Variants in CTNND2 observed in about 807,000 individuals in gnomAD.
CTNND2 encodes the protein catenin delta 2.
In CTNND2, 22 loss-of-function variants were observed where a neutral mutation model predicts 144.4. The observed-to-expected ratio is 0.15, with a 90% CI of 0.11 to 0.22. The LOEUF (loss-of-function observed/expected upper bound fraction) is 0.22. CTNND2 is among the 10% of genes least tolerant of loss of function. The probability of loss-of-function intolerance (pLI) is 1.00; values close to 1 mark genes in which losing one functional copy is unlikely to be tolerated. For missense variants in CTNND2, 1,353 were observed against 1,618.8 expected, an observed-to-expected ratio of 0.84 and a Z score of 2.82; for synonymous variants, 751 against 695.6, an observed-to-expected ratio of 1.08 and a Z score of -1.25.
rs746839369 is a variant in CTNND2, at chr5:10,981,819, T to C, written c.3371A>G (p.Tyr1124Cys). The change falls in exon 21 of 22, where the codon TAT (tyrosine) becomes TGT (cysteine). Residue 1124 changes from tyrosine to cysteine, a missense_variant. By Grantham distance (194) the Tyr-to-Cys change is radical. Coordinates refer to ENST00000304623, the MANE Select transcript of CTNND2 (RefSeq NM_001332.4). ...AGCGGGCGCACCATAAGAATTCCTA[T>C]ACAAAGTTGAAATTCCAGTGTTTTG... ...TAQNTGISTL[Y>C]RNSYGAPAED... is the part of the protein sequence containing the mutation. 1.9e-6 allele frequency: 3 copies of C among 1,613,990 alleles called. No homozygotes were observed. The highest frequency in any genetic ancestry group is 1.7e-5 in the Admixed American group (1 of 60,014).
intron 16 of CTNND2, among the ~76,000 whole-genome samples, chr5:11,072,859 C>T (rs533189581): frequency 1.3e-5 from 2 of 152,200 alleles, no homozygotes; most frequent in Non-Finnish European, 2.9e-5. Context: ...CGGGGGCTTG[C>T]GGTGCCCTTC....
intron 1 of CTNND2, among the ~76,000 whole-genome samples, chr5:11,865,915 A>AAAAAAAAAAAAAC (rs1553986082): frequency 6.7e-6 from 1 of 149,228 alleles, no homozygotes; most frequent in Admixed American, 6.6e-5. Flanking sequence ...AAAAAAAAAA[A>AAAAAAAAAAAAAC]CGAGTTCTCC....
chr5:11,342,428 T>C (rs954435281), intron 9 of CTNND2, among the ~76,000 whole-genome samples: 2 of 152,202 alleles, frequency 1.3e-5, no homozygotes, highest in Non-Finnish European at 2.9e-5. Context: ...AGCATCAGCA[T>C]TAAAAATGTG....
At chr5:11,473,137 T>C (rs1767384826) in intron 3 of CTNND2, among the ~76,000 whole-genome samples, 1 of 152,182 alleles carries the variant, frequency 6.6e-6, no homozygotes, top group South Asian at 2.1e-4. Flanking sequence ...ACAAATCGGA[T>C]TGGCAGTCCT....
intron 9 of CTNND2, among the ~76,000 whole-genome samples, chr5:11,239,440 C>G (rs973926802): frequency 1.3e-5 from 2 of 152,290 alleles, no homozygotes; most frequent in East Asian, 1.9e-4. Context: ...CCCAAGCATC[C>G]CTTCCCTCCC....
intron 2 of CTNND2, among the ~76,000 whole-genome samples, chr5:11,619,799 C>T (rs541709320): frequency 1.3e-5 from 2 of 152,126 alleles, no homozygotes; most frequent in African/African-American, 2.4e-5. Flanking sequence ...CAGCTAGAGT[C>T]GTAACCCTTC....
intron 11 of CTNND2, among the ~76,000 whole-genome samples, chr5:11,180,980 G>C (rs1023354834): frequency 1.3e-5 from 2 of 152,186 alleles, no homozygotes; most frequent in Non-Finnish European, 2.9e-5. Context: ...GAGGTTCTGG[G>C]GAAGAACCAA....
chr5:11,633,253 A>G (rs1234694429), intron 2 of CTNND2, among the ~76,000 whole-genome samples: 1 of 152,184 alleles, frequency 6.6e-6, no homozygotes, highest in Non-Finnish European at 1.5e-5. Context: ...CAAGAGAAAA[A>G]TTACTCTTCC....
At chr5:11,736,026 A>C (rs1787665046) in intron 1 of CTNND2, among the ~76,000 whole-genome samples, 2 of 152,098 alleles carry the variant, frequency 1.3e-5, no homozygotes, top group Admixed American at 1.3e-4. Flanking sequence ...CATATTTTTG[A>C]CAAAGAAATT....
At chr5:11,667,419 C>G (rs1387092727) in intron 2 of CTNND2, among the ~76,000 whole-genome samples, 3 of 152,204 alleles carry the variant, frequency 2.0e-5, no homozygotes, top group African/African-American at 7.2e-5. Context: ...CACATCCTCT[C>G]CAGTATCTGT....
chr5:11,373,993 A>T (rs1039064610), intron 7 of CTNND2, among the ~76,000 whole-genome samples: 3 of 152,078 alleles, frequency 2.0e-5, no homozygotes, highest in Admixed American at 2.0e-4. Context: ...ATGGCAGGAC[A>T]TTTCCTGCCT....
intron 1 of CTNND2, among the ~76,000 whole-genome samples, chr5:11,838,579 G>C (rs1043808316): frequency 6.6e-6 from 1 of 152,138 alleles, no homozygotes; most frequent in African/African-American, 2.4e-5. Flanking sequence ...TCAAGTAGCT[G>C]ACTACTTAAA....
At chr5:10,981,888 C>T (rs575186578) in intron 20 of CTNND2, 42 bp from the exon 21 acceptor site, 14 of 1,531,846 alleles carry the variant, frequency 9.1e-6, no homozygotes, top group African/African-American at 2.7e-5. Context: ...AAGAAAACAA[C>T]ATTACAAATA....
intron 11 of CTNND2, among the ~76,000 whole-genome samples, chr5:11,178,247 A>G (rs552817753): frequency 3.3e-5 from 5 of 152,368 alleles, no homozygotes; most frequent in South Asian, 2.1e-4. Context: ...GTGAATACCA[A>G]TAAGTCTGCT....
intron 2 of CTNND2, among the ~76,000 whole-genome samples, chr5:11,615,532 A>G (rs994762183): frequency 1.3e-5 from 2 of 152,238 alleles, no homozygotes; most frequent in Non-Finnish European, 2.9e-5. Context: ...CACAAATAAA[A>G]AAATCCAAAT....
intron 3 of CTNND2, among the ~76,000 whole-genome samples, chr5:11,530,893 GT>G (rs1773691615): frequency 2.0e-5 from 3 of 152,128 alleles, no homozygotes. Flanking sequence ...CAAGCCTACA[GT>G]AAAAAATAAT....
At chr5:11,705,096 C>T (rs559178351) in intron 2 of CTNND2, among the ~76,000 whole-genome samples, 1 of 152,186 alleles carries the variant, frequency 6.6e-6, no homozygotes, top group South Asian at 2.1e-4. Flanking sequence ...TAGCCACAAG[C>T]TTTTGAAGAG....
At chr5:11,526,456 C>A (rs1027110895) in intron 3 of CTNND2, among the ~76,000 whole-genome samples, 1 of 152,176 alleles carries the variant, frequency 6.6e-6, no homozygotes, top group African/African-American at 2.4e-5. Flanking sequence ...GCTGTGTATG[C>A]TGCCTTGTTT....
chr5:11,202,073 G>T (rs1737500697), intron 10 of CTNND2, among the ~76,000 whole-genome samples: 1 of 152,164 alleles, frequency 6.6e-6, no homozygotes. Context: ...TTTAAATAAT[G>T]ATGAAACCAT....
Sources: gnomAD v4.1 joint callset for allele counts (sites outside exome capture counted in the v4.1 genomes callset) on GRCh38, gnomAD v4.1.1 for gene constraint, MANE v1.5 for transcripts, NCBI Gene and HGNC (gene_info 2026-07-23, HGNC 2026-07-21) for gene names.